SEMA3E: variants seen among roughly 807,000 people sequenced by gnomAD.
The protein encoded by SEMA3E is semaphorin 3E.
SEMA3E carries 49 observed loss-of-function variants against 93.6 expected under a neutral mutation model. That is an observed-to-expected ratio of 0.52 (90% CI 0.42 to 0.66). The LOEUF is 0.66. SEMA3E is among the 30% of genes least tolerant of loss of function. The pLI, the probability that SEMA3E is intolerant of heterozygous loss-of-function variation, is 0.00. For synonymous variants in SEMA3E, 363 were observed against 330.7 expected (o/e 1.10, Z -1.06); for missense variants, 906 against 964.8 (o/e 0.94, Z 0.81).
chr7:83,564,536 A>G (rs1447669472), intron 1 of SEMA3E, among the ~76,000 whole-genome samples: 1 of 152,212 alleles, frequency 6.6e-6, no homozygotes, highest in Non-Finnish European at 1.5e-5. Flanking sequence ...TTTTCCATCA[A>G]TACATAACCC....
rs571684484 is a variant in SEMA3E at position 83,542,595 on chromosome 7, T to TA, written c.116-52322dup. 6.6e-4 allele frequency among the ~76,000 whole-genome samples: 98 copies of TA among 148,244 alleles called. 1 individual carries two copies. The highest frequency in any genetic ancestry group is 3.5e-3 in the Middle Eastern group (1 of 284). ...GACTAAATAAAATAAACAAAATCCA[T>TA]AAAAAAAAAACTGACCTTTTCAAAA... On this transcript the variant is annotated intron_variant, in intron 1 of 16. Transcript: ENST00000643230.
intron 1 of SEMA3E, among the ~76,000 whole-genome samples, chr7:83,531,190 T>C (rs1791287163): frequency 6.6e-6 from 1 of 151,872 alleles, no homozygotes. Flanking sequence ...TAATTAAGCA[T>C]CTAAAGTTAA....
At chr7:83,641,356 T>C (rs1197232523) in intron 1 of SEMA3E, 2 of 985,036 alleles carry the variant, frequency 2.0e-6, no homozygotes, top group African/African-American at 1.7e-5. Context: ...GAAGGCAAAG[T>C]GGGAGACTTT....
At chr7:83,443,916 G>GAT (rs60405752) in intron 4 of SEMA3E, among the ~76,000 whole-genome samples, 7,772 of 147,326 alleles carry the variant, frequency 0.053, 252 homozygotes, top group Admixed American at 0.071. Flanking sequence ...ATAATGACCT[G>GAT]ATATATATAT....
At chr7:83,644,061 T>C (rs1251220849) in intron 1 of SEMA3E, among the ~76,000 whole-genome samples, 3 of 152,010 alleles carry the variant, frequency 2.0e-5, no homozygotes, top group Non-Finnish European at 4.4e-5. Context: ...GCCTCCAGAA[T>C]GATCATTCAG....
rs1562743425 is a variant in SEMA3E, at chr7:83,363,859, C to CTTTTTTTTTTTTTTTTTT, written c.*3726_*3727insAAAAAAAAAAAAAAAAAA. 9.9e-6 allele frequency: 1 copy of CTTTTTTTTTTTTTTTTTT among 100,558 alleles called. No homozygotes were observed. The allele number at this position is 100,558 out of a possible 1,614,324, so 6.2% of individuals were successfully genotyped here. A position where few individuals can be genotyped will look rare whatever the true frequency, so the allele number is the denominator to read the frequency against. On this transcript the variant is annotated 3_prime_UTR_variant, in exon 17 of 17. Coordinates refer to ENST00000643230, the MANE Select transcript of SEMA3E (RefSeq NM_012431.3). ...AGGCTACAGGTGTCACAGGTCAATT[C>CTTTTTTTTTTTTTTTTTT]ATTTTTTTTTTTTTTTTTTTTTTTT...
In SEMA3E at chr7:83,578,499, T is replaced by C. The variant is rs140855552; in HGVS notation, c.115+69929A>G. ...TGAACTCAGGAGGCGGAGGTTGCAG[T>C]GAGCTAAGATCGTGCTTCTACACTC... On this transcript the variant is annotated intron_variant, in intron 1 of 16. Transcript: ENST00000643230. Among the ~76,000 whole-genome samples the C allele has an allele frequency of 9.7e-3, 1,481 of 152,186 alleles. 25 individuals carry two copies. Among genetic ancestry groups the C allele is most frequent in the African/African-American group, 0.034 (1,405 of 41,518 alleles).
intron 1 of SEMA3E, among the ~76,000 whole-genome samples, chr7:83,630,200 T>C (rs1793758931): frequency 6.6e-6 from 1 of 152,196 alleles, no homozygotes; most frequent in South Asian, 2.1e-4. Context: ...TTCGTCTCAC[T>C]GGGAGCTGCA....
intron 4 of SEMA3E, among the ~76,000 whole-genome samples, chr7:83,431,985 T>A (rs964061812): frequency 2.7e-5 from 4 of 150,208 alleles, no homozygotes; most frequent in African/African-American, 9.9e-5. Context: ...CCTCTTGGAA[T>A]CCAGCTACCA....
intron 1 of SEMA3E, among the ~76,000 whole-genome samples, chr7:83,582,895 T>A (rs1338455541): frequency 6.6e-6 from 1 of 152,130 alleles, no homozygotes; most frequent in African/African-American, 2.4e-5. Flanking sequence ...TATATGTATG[T>A]AAATATTTTG....
rs75632631 is a variant in SEMA3E, at chr7:83,367,359, A to G, written c.*227T>C. 667 of 507,554 alleles carry G rather than the reference A, an allele frequency of 1.3e-3. 3 individuals are homozygous for G. Among genetic ancestry groups the G allele is most frequent in the African/African-American group, 0.012 (618 of 52,304 alleles). 31.4% of individuals were successfully genotyped at this position (507,554 alleles called of 1,614,324 possible). On this transcript the variant is annotated 3_prime_UTR_variant, in exon 17 of 17. Coordinates refer to ENST00000643230, the MANE Select transcript of SEMA3E (RefSeq NM_012431.3). Reference sequence around the variant, plus strand: ...GCTACAGTTGTTTTTTGATAAACATAATGAGAAACCATTAAGCAATGCATT... The same window carrying G: ...GCTACAGTTGTTTTTTGATAAACATGATGAGAAACCATTAAGCAATGCATT...
chr7:83,483,095 G>T (rs1025545607), intron 2 of SEMA3E, among the ~76,000 whole-genome samples: 1 of 151,246 alleles, frequency 6.6e-6, no homozygotes, highest in Non-Finnish European at 1.5e-5. Context: ...AAGAATTCAG[G>T]GAATGTCCCA....
intron 1 of SEMA3E, among the ~76,000 whole-genome samples, chr7:83,567,312 G>T (rs1427212585): frequency 6.6e-6 from 1 of 151,958 alleles, no homozygotes; most frequent in African/African-American, 2.4e-5. Flanking sequence ...TAAACTTTGG[G>T]GACTTCAACA....
chr7:83,446,740 T>C (rs1414211390), intron 4 of SEMA3E, among the ~76,000 whole-genome samples: 1 of 152,188 alleles, frequency 6.6e-6, no homozygotes, highest in Non-Finnish European at 1.5e-5. Context: ...AACTTGGCCT[T>C]TGACCATGAA....
intron 8 of SEMA3E, 66 bp from the exon 9 acceptor site, chr7:83,405,585 A>T: frequency 8.0e-7 from 1 of 1,257,126 alleles, no homozygotes; most frequent in Non-Finnish European, 1.2e-6. Context: ...AAGAAAATTT[A>T]TTCACCTAAA....
In SEMA3E at chr7:83,408,447, G is replaced by A; in HGVS notation, c.591C>T (p.Ser197=). ...LFAGLYSDYW[S]RDAAIFRSMG... ...TGCTGCGGAAGATCGCAGCGTCTCT[G>A]CTCCAGTAGTCACTGTAGAGTCCAG... The change falls in exon 6 of 17, where the codon AGC becomes AGT. Residue 197 remains serine (S), a synonymous_variant. Coordinates refer to ENST00000643230, the MANE Select transcript of SEMA3E (RefSeq NM_012431.3). The A allele has an allele frequency of 6.2e-7, 1 of 1,613,702 alleles. No individual in the cohort carries two copies. The highest frequency in any genetic ancestry group is 1.1e-5 in the South Asian group (1 of 91,082).
At chr7:83,465,098 G>A (rs1273781815) in intron 4 of SEMA3E, among the ~76,000 whole-genome samples, 2 of 151,952 alleles carry the variant, frequency 1.3e-5, no homozygotes, top group African/African-American at 4.8e-5. Context: ...GCTGGTCTTT[G>A]CCTTAAGTGA....
chr7:83,638,599 A>T (rs900094888), intron 1 of SEMA3E, among the ~76,000 whole-genome samples: 17 of 152,314 alleles, frequency 1.1e-4, no homozygotes, highest in Non-Finnish European at 1.8e-4. Context: ...GATAATGGTA[A>T]TATAGTTAGA....
chr7:83,521,132 T>G (rs946701352), intron 1 of SEMA3E, among the ~76,000 whole-genome samples: 4 of 152,000 alleles, frequency 2.6e-5, no homozygotes, highest in African/African-American at 7.2e-5. Flanking sequence ...AAAATGTTGG[T>G]AGAAGTTTTA....
Sources: gnomAD v4.1 joint callset for allele counts (sites outside exome capture counted in the v4.1 genomes callset) on GRCh38, gnomAD v4.1.1 for gene constraint, MANE v1.5 for transcripts, NCBI Gene and HGNC (gene_info 2026-07-23, HGNC 2026-07-21) for gene names.